The following RHOA variants were observed in gnomAD, a reference collection of about 807,000 sequenced individuals.
RHOA encodes the protein transforming protein RhoA.
RHOA carries 3 observed loss-of-function variants against 17.5 expected under a neutral mutation model. That is an observed-to-expected ratio of 0.17 (90% CI 0.08 to 0.44). The LOEUF is 0.44. Among genes scored for constraint, RHOA ranks in the 20% least tolerant of loss-of-function variants. The probability of loss-of-function intolerance (pLI) is 0.99; values close to 1 mark genes in which losing one functional copy is unlikely to be tolerated. For missense variants in RHOA, 56 were observed against 242.3 expected (o/e 0.23, Z 5.10); for synonymous variants, 98 against 88.4 (o/e 1.11, Z -0.61).
chr3:49,393,684 G>C (rs1456567660), intron 1 of RHOA, among the ~76,000 whole-genome samples: 1 of 42,782 alleles, frequency 2.3e-5, no homozygotes, highest in African/African-American at 8.3e-5. Context: ...CTCTGTGTGT[G>C]TGTGTGTGTG....
At chr3:49,408,975 T>C (rs2048886383) in intron 1 of RHOA, among the ~76,000 whole-genome samples, 1 of 151,854 alleles carries the variant, frequency 6.6e-6, no homozygotes, top group Non-Finnish European at 1.5e-5. Flanking sequence ...TTTGTATTTT[T>C]AGTAGAGACG....
At chr3:49,410,157 A>G (rs2048908398) in intron 1 of RHOA, among the ~76,000 whole-genome samples, 1 of 152,236 alleles carries the variant, frequency 6.6e-6, no homozygotes, top group Admixed American at 6.5e-5. Flanking sequence ...CAATGGAATA[A>G]GCTAGAAGTC....
intron 1 of RHOA, among the ~76,000 whole-genome samples, chr3:49,406,271 A>G (rs1264635046): frequency 6.6e-6 from 1 of 152,206 alleles, no homozygotes; most frequent in Non-Finnish European, 1.5e-5. Flanking sequence ...AGTAGAGCAT[A>G]TGATCTCTAG....
Position 49,359,986 on chromosome 3 carries a change from AGAG to A in RHOA, c.*220_*222del, listed in dbSNP as rs1288507924. On this transcript the variant is annotated 3_prime_UTR_variant, in exon 5 of 5. Coordinates refer to ENST00000418115, the MANE Select transcript of RHOA (RefSeq NM_001664.4). ...CGCCTGGTGTGTCAGGTGGGAGTGCAGAGGAGGGCTGTTAGAGCAGTGTCAAAA... is the reference window on the plus strand; with the variant it reads ...CGCCTGGTGTGTCAGGTGGGAGTGCAGAGGGCTGTTAGAGCAGTGTCAAAA... 2 of 460,700 alleles carry A rather than the reference AGAG, an allele frequency of 4.3e-6. No homozygotes were observed. Among genetic ancestry groups the A allele is most frequent in the Non-Finnish European group, 7.6e-6 (2 of 261,768 alleles). The allele number at this position is 460,700 out of a possible 1,614,324, so 28.5% of individuals were successfully genotyped here. A position where few individuals can be genotyped will look rare whatever the true frequency, so the allele number is the denominator to read the frequency against.
At chr3:49,385,427 G>T (rs1325680914) in intron 1 of RHOA, among the ~76,000 whole-genome samples, 1 of 151,832 alleles carries the variant, frequency 6.6e-6, no homozygotes, top group East Asian at 1.9e-4. Context: ...TGTTGACCAG[G>T]CTGGTCTCAA....
intron 4 of RHOA, 102 bp downstream of exon 4, chr3:49,362,393 TA>T: frequency 1.5e-6 from 2 of 1,330,976 alleles, no homozygotes; most frequent in Non-Finnish European, 2.0e-6. Context: ...TCTGAGCCTC[TA>T]AAACAACCTG....
At chr3:49,362,711 ACTTT>A (rs1173369809) in intron 3 of RHOA, 85 bp from the exon 4 acceptor site, 3 of 1,161,622 alleles carry the variant, frequency 2.6e-6, no homozygotes, top group East Asian at 2.5e-5. Flanking sequence ...TTGCAGAGAC[ACTTT>A]CTTTGTGGCT....
chr3:49,404,458 A>ACACACACACACACACACACACACACAC (rs10527314), intron 1 of RHOA, among the ~76,000 whole-genome samples: 70 of 146,698 alleles, frequency 4.8e-4, no homozygotes, highest in East Asian at 1.5e-3. Context: ...ACACACACAC[A>ACACACACACACACACACACACACACAC]AAATTAGCCG....
chr3:49,410,934 T>C (rs1261961910), intron 1 of RHOA, among the ~76,000 whole-genome samples: 2 of 152,196 alleles, frequency 1.3e-5, no homozygotes, highest in Admixed American at 1.3e-4. Context: ...GGATTCCAAT[T>C]TTCCACCGTA....
chr3:49,360,467 ATTTT>A, intron 4 of RHOA, 85 bp from the exon 5 acceptor site: 1 of 1,419,670 alleles, frequency 7.0e-7, no homozygotes, highest in Non-Finnish European at 9.4e-7. Flanking sequence ...CATCTAAAAG[ATTTT>A]TTTTTCTTTT....
chr3:49,368,769 G>A (rs1428456903), intron 2 of RHOA, among the ~76,000 whole-genome samples: 2 of 146,338 alleles, frequency 1.4e-5, no homozygotes, highest in Non-Finnish European at 3.0e-5. Flanking sequence ...GTGCAGTGGC[G>A]CGATCTCTGC....
intron 1 of RHOA, among the ~76,000 whole-genome samples, chr3:49,407,485 A>G (rs62261211): frequency 0.98 from 148,428 of 152,108 alleles, 72,534 homozygotes; most frequent in Middle Eastern, 1. Context: ...CCACCTGCCC[A>G]GCACTTCCAA....
At chr3:49,381,280 C>A (rs1429157453) in intron 1 of RHOA, among the ~76,000 whole-genome samples, 1 of 151,778 alleles carries the variant, frequency 6.6e-6, no homozygotes, top group East Asian at 1.9e-4. Context: ...TGGCATGTAC[C>A]CATAATCCCG....
intron 2 of RHOA, among the ~76,000 whole-genome samples, chr3:49,369,023 T>C (rs1575647780): frequency 1.6e-5 from 1 of 62,546 alleles, no homozygotes; most frequent in South Asian, 4.8e-4. Context: ...TTTTTTTTTT[T>C]TTTTTTTTTT....
chr3:49,364,395 G>C (rs1393307859), intron 3 of RHOA, among the ~76,000 whole-genome samples: 1 of 152,166 alleles, frequency 6.6e-6, no homozygotes, highest in African/African-American at 2.4e-5. Flanking sequence ...TGAGGCTGGA[G>C]AATCGCTTGA....
At chr3:49,392,547 T>C (rs904552140) in intron 1 of RHOA, among the ~76,000 whole-genome samples, 1 of 152,180 alleles carries the variant, frequency 6.6e-6, no homozygotes, top group African/African-American at 2.4e-5. Flanking sequence ...GGTCTTGCCA[T>C]GTTACCCAGA....
intron 3 of RHOA, among the ~76,000 whole-genome samples, chr3:49,365,997 C>G (rs1475855944): frequency 6.6e-5 from 10 of 152,062 alleles, no homozygotes; most frequent in African/African-American, 2.2e-4. Context: ...GTCGAGGCAG[C>G]AGTAAACTGA....
At chr3:49,381,362 G>A (rs1035022538) in intron 1 of RHOA, among the ~76,000 whole-genome samples, 6 of 149,940 alleles carry the variant, frequency 4.0e-5, no homozygotes, top group Non-Finnish European at 8.9e-5. Flanking sequence ...CCGATATCTC[G>A]CCATTGCATT....
At chr3:49,401,384 A>T (rs2107901015) in intron 1 of RHOA, among the ~76,000 whole-genome samples, 1 of 151,750 alleles carries the variant, frequency 6.6e-6, no homozygotes, top group Admixed American at 6.6e-5. Context: ...CAGGCAAGGT[A>T]GCTTATGCCT....
Sources: allele counts gnomAD v4.1 joint callset (sites outside exome capture counted in the v4.1 genomes callset), GRCh38; gene constraint gnomAD v4.1.1; transcripts MANE v1.5; gene names NCBI Gene and HGNC (gene_info 2026-07-23, HGNC 2026-07-21).